CHEK2: variants seen among roughly 807,000 people sequenced by gnomAD.
CHEK2 encodes the protein checkpoint kinase 2.
CHEK2 carries 71 observed loss-of-function variants against 69.1 expected under a neutral mutation model. That is an observed-to-expected ratio of 1.03 (90% CI 0.85 to 1.25). The LOEUF is 1.25. CHEK2 is among the 50% of genes most tolerant of loss of function. The probability of loss-of-function intolerance (pLI) is 0.00; values close to 1 mark genes in which losing one functional copy is unlikely to be tolerated. For missense variants in CHEK2, 664 were observed against 649.6 expected (o/e 1.02, Z -0.24); for synonymous variants, 189 against 226.9 (o/e 0.83, Z 1.50).
chr22:28,695,932 A>G, intron 10 of CHEK2, 59 bp from the exon 11 acceptor site: 18 of 1,380,006 alleles, frequency 1.3e-5, no homozygotes, highest in Non-Finnish European at 1.9e-5. Flanking sequence ...AAAGATTAAC[A>G]TAGTCTGCCA....
rs141502354 is a variant in CHEK2 at position 28,696,969 on chromosome 22, T to C, written c.1027A>G (p.Ile343Val). ...LAVQYLHENG[I>V]IHRDLKPENV... Reference sequence around the variant, plus strand: ...TCTGGCTTTAAGTCACGGTGTATAATACCGTTTTCATGAAGGTACTACACA... The same window carrying C: ...TCTGGCTTTAAGTCACGGTGTATAACACCGTTTTCATGAAGGTACTACACA... The change falls in exon 10 of 15, where the codon ATT (isoleucine) becomes GTT (valine). Residue 343 changes from isoleucine to valine, a missense_variant. Transcript: ENST00000404276. 4 of 1,611,390 alleles carry C rather than the reference T, an allele frequency of 2.5e-6. No homozygotes were observed. The highest frequency in any genetic ancestry group is 1.3e-5 in the African/African-American group (1 of 74,892).
chr22:28,724,906 A>G, intron 4 of CHEK2, 71 bp downstream of exon 4: 1 of 1,504,818 alleles, frequency 6.6e-7, no homozygotes, highest in African/African-American at 1.4e-5. Context: ...TTCTGTAAGG[A>G]CAGGACAAAT....
intron 13 of CHEK2, among the ~76,000 whole-genome samples, chr22:28,692,307 A>G (rs984566182): frequency 4.6e-5 from 7 of 151,222 alleles, no homozygotes; most frequent in Non-Finnish European, 8.9e-5. Context: ...TTTCATCAAA[A>G]TTAAAATCCC....
intron 12 of CHEK2, among the ~76,000 whole-genome samples, chr22:28,694,721 C>G (rs906351923): frequency 6.6e-6 from 1 of 152,182 alleles, no homozygotes; most frequent in Non-Finnish European, 1.5e-5. Flanking sequence ...CTAATGACAT[C>G]TAGTTTTTAC....
chr22:28,725,812 G>A (rs2053983225), intron 2 of CHEK2, among the ~76,000 whole-genome samples: 1 of 151,938 alleles, frequency 6.6e-6, no homozygotes. Context: ...AGGAGGCTGA[G>A]GTGGGAGGAT....
At chr22:28,723,175 T>TA (rs2053859331) in intron 4 of CHEK2, among the ~76,000 whole-genome samples, 1 of 152,220 alleles carries the variant, frequency 6.6e-6, no homozygotes, top group Non-Finnish European at 1.5e-5. Flanking sequence ...TGGATGCTTA[T>TA]AAAATGCTAC....
chr22:28,716,257 C>T (rs936441288), intron 5 of CHEK2, among the ~76,000 whole-genome samples: 1 of 148,516 alleles, frequency 6.7e-6, no homozygotes, highest in African/African-American at 2.5e-5. Flanking sequence ...AGTGCAGTGG[C>T]GTGATCTCAG....
intron 2 of CHEK2, among the ~76,000 whole-genome samples, chr22:28,731,008 A>C (rs2054198750): frequency 6.6e-6 from 1 of 152,118 alleles, no homozygotes; most frequent in Non-Finnish European, 1.5e-5. Flanking sequence ...GTTTGAGACC[A>C]GACTGCAACA....
chr22:28,729,277 C>A, intron 2 of CHEK2: 1 of 271,604 alleles, frequency 3.7e-6, no homozygotes, highest in Admixed American at 4.9e-5. Context: ...GGCGCGGTGG[C>A]TCACATCTGT....
chr22:28,705,504 A>T (rs2053083356), intron 7 of CHEK2, among the ~76,000 whole-genome samples: 1 of 152,240 alleles, frequency 6.6e-6, no homozygotes, highest in Non-Finnish European at 1.5e-5. Context: ...ATCCAAAAAG[A>T]TTCAAGACCC....
intron 2 of CHEK2, 105 bp downstream of exon 2, chr22:28,734,298 G>T: frequency 9.4e-7 from 1 of 1,062,140 alleles, no homozygotes; most frequent in Non-Finnish European, 1.4e-6. Flanking sequence ...TGTTCAACGT[G>T]CCAAAAACCT....
At chr22:28,714,439 G>A (rs747361532) in intron 5 of CHEK2, among the ~76,000 whole-genome samples, 15 of 151,962 alleles carry the variant, frequency 9.9e-5, no homozygotes, top group Middle Eastern at 3.4e-3. Flanking sequence ...TCACTCTGTC[G>A]CCCAGGCTGC....
At chr22:28,739,154 C>T (rs559299454) in intron 1 of CHEK2, among the ~76,000 whole-genome samples, 226 of 152,126 alleles carry the variant, frequency 1.5e-3, no homozygotes, top group Non-Finnish European at 2.8e-3. Flanking sequence ...CCTGTAATCC[C>T]AGCTACTTGG....
chr22:28,708,363 ATGTGTGTGTGTGTG>A (rs10694007), intron 7 of CHEK2, among the ~76,000 whole-genome samples: 63 of 139,666 alleles, frequency 4.5e-4, no homozygotes, highest in African/African-American at 1.6e-3. Context: ...CTCTAAAAAT[ATGTGTGTGTGTGTG>A]TGTGTGTGTG....
intron 11 of CHEK2, 143 bp from the exon 12 acceptor site, chr22:28,695,385 AATGC>A: frequency 1.5e-6 from 1 of 687,860 alleles, no homozygotes; most frequent in Non-Finnish European, 2.6e-6. Flanking sequence ...GGCTGGGCAC[AATGC>A]CTTAGGCTTG....
chr22:28,728,603 G>A (rs1420932527), intron 2 of CHEK2, among the ~76,000 whole-genome samples: 1 of 152,140 alleles, frequency 6.6e-6, no homozygotes, highest in African/African-American at 2.4e-5. Flanking sequence ...TCTGGAGGCT[G>A]AGGCACAAGA....
At chr22:28,708,965 A>G (rs56723477) in intron 7 of CHEK2, 1 of 354,258 alleles carries the variant, frequency 2.8e-6, no homozygotes, top group Non-Finnish European at 5.5e-6. Flanking sequence ...AAAAAAAAAA[A>G]AAAAAAAAAC....
At chr22:28,739,993 G>A (rs2054509958) in intron 1 of CHEK2, among the ~76,000 whole-genome samples, 1 of 152,072 alleles carries the variant, frequency 6.6e-6, no homozygotes, top group South Asian at 2.1e-4. Context: ...ACAAGGTCAG[G>A]AGATGGAGAC....
At chr22:28,709,410 T>C (rs888834108) in intron 7 of CHEK2, among the ~76,000 whole-genome samples, 6 of 152,326 alleles carry the variant, frequency 3.9e-5, no homozygotes, top group South Asian at 2.1e-4. Context: ...GTCTATGAGA[T>C]AGAATAATTG....
Sources: gnomAD v4.1 joint callset for allele counts (sites outside exome capture counted in the v4.1 genomes callset) on GRCh38, gnomAD v4.1.1 for gene constraint, MANE v1.5 for transcripts, NCBI Gene and HGNC (gene_info 2026-07-23, HGNC 2026-07-21) for gene names.